KCNH7: variants seen among roughly 807,000 people sequenced by gnomAD.
KCNH7 encodes voltage-gated inwardly rectifying potassium channel KCNH7.
In KCNH7, 49 loss-of-function variants were observed where a neutral mutation model predicts 120.8. That is an observed-to-expected ratio of 0.41 (90% CI 0.32 to 0.51). KCNH7 has a LOEUF of 0.51. Ranked by LOEUF, KCNH7 falls within the 20% of genes least tolerant of loss-of-function variation. The pLI, the probability that KCNH7 is intolerant of heterozygous loss-of-function variation, is 0.38. For missense variants in KCNH7, 1,097 were observed against 1,446.6 expected (o/e 0.76, Z 3.92); for synonymous variants, 547 against 516.1 (o/e 1.06, Z -0.81).
At chr2:162,439,335 T>A (rs1688350007) in intron 7 of KCNH7, among the ~76,000 whole-genome samples, 1 of 152,060 alleles carries the variant, frequency 6.6e-6, no homozygotes. Flanking sequence ...GATGGCAAAA[T>A]GTGGTTATTG....
At chr2:162,806,731 A>G (rs969426566) in intron 2 of KCNH7, among the ~76,000 whole-genome samples, 3 of 152,212 alleles carry the variant, frequency 2.0e-5, no homozygotes, top group African/African-American at 7.2e-5. Flanking sequence ...CACCACTAGC[A>G]ATACTGGAAA....
At chr2:162,789,343 G>A (rs1683836076) in intron 2 of KCNH7, among the ~76,000 whole-genome samples, 2 of 151,884 alleles carry the variant, frequency 1.3e-5, no homozygotes, top group African/African-American at 2.4e-5. Context: ...ATCTATTGAA[G>A]CATCTAAGTA....
At position 162,678,352 on chromosome 2, in the gene KCNH7, C is replaced by T. The variant is rs114170150; in HGVS notation, c.308-141272G>A. ...TGACTTGAGTTTGAAGCATTGATAACATTGCTAAGGAATGATGATATCCCT... is the reference window on the plus strand; with the variant it reads ...TGACTTGAGTTTGAAGCATTGATAATATTGCTAAGGAATGATGATATCCCT... On this transcript the variant is annotated intron_variant, in intron 2 of 15. Transcript: ENST00000332142. Among the ~76,000 whole-genome samples the T allele has an allele frequency of 5.4e-3, 823 of 151,514 alleles. 7 individuals are homozygous for T. Among genetic ancestry groups the T allele is most frequent in the African/African-American group, 0.019 (770 of 41,452 alleles).
Position 162,518,881 on chromosome 2 carries a change from T to C in KCNH7, c.464-723A>G, listed in dbSNP as rs1691418397. On this transcript the variant is annotated intron_variant, in intron 3 of 15. Coordinates refer to ENST00000332142, the MANE Select transcript of KCNH7 (RefSeq NM_033272.4). ...GTTATGTATATCTCAGAGTGGCTGA[T>C]GCACAGAAGGACAAGTAAATACAAA... is the stretch of plus-strand genomic sequence containing the variant. 5.3e-5 allele frequency among the ~76,000 whole-genome samples: 8 copies of C among 150,730 alleles called. No individual in the cohort carries two copies. The South Asian group carries it at 1.7e-3, about 31-fold the overall frequency.
chr2:162,656,345 A>G (rs1684760588), intron 2 of KCNH7, among the ~76,000 whole-genome samples: 2 of 152,200 alleles, frequency 1.3e-5, no homozygotes. Context: ...AGTGGTATGT[A>G]TATATACACA....
chr2:162,421,695 C>T (rs775068304), intron 9 of KCNH7, among the ~76,000 whole-genome samples: 2 of 152,164 alleles, frequency 1.3e-5, no homozygotes, highest in African/African-American at 2.4e-5. Context: ...TTCATAAGTA[C>T]ATTGTAAATA....
chr2:162,603,884 A>G lies in KCNH7; in HGVS notation c.308-66804T>C, dbSNP rs539722989. Among the ~76,000 whole-genome samples, 12 of 152,294 alleles carry G rather than the reference A, an allele frequency of 7.9e-5. No homozygotes were observed. In the East Asian group the frequency reaches 2.3e-3, roughly 29 times the overall value. Reference sequence around the variant, plus strand: ...TATTACATTTAAAAACATATAAAATATTTGCAGTATTGTTTTCATTTGTTA... The same window carrying G: ...TATTACATTTAAAAACATATAAAATGTTTGCAGTATTGTTTTCATTTGTTA... On this transcript the variant is annotated intron_variant, in intron 2 of 15. Coordinates refer to ENST00000332142, the MANE Select transcript of KCNH7 (RefSeq NM_033272.4).
chr2:162,749,567 A>G (rs10175211), intron 2 of KCNH7, among the ~76,000 whole-genome samples: 43,839 of 152,030 alleles, frequency 0.29, 10,741 homozygotes, highest in African/African-American at 0.66. Context: ...TCAGGAATGT[A>G]GCAATGACAA....
chr2:162,532,809 G>T (rs1344725112), intron 3 of KCNH7, among the ~76,000 whole-genome samples: 1 of 151,856 alleles, frequency 6.6e-6, no homozygotes, highest in Non-Finnish European at 1.5e-5. Context: ...CCAACAAAAT[G>T]GGAGGGAGAG....
chr2:162,697,572 G>A (rs1305688634), intron 2 of KCNH7, among the ~76,000 whole-genome samples: 2 of 152,008 alleles, frequency 1.3e-5, no homozygotes, highest in South Asian at 2.1e-4. Context: ...GAAAGAGAAG[G>A]GAAGGAAGGG....
intron 2 of KCNH7, among the ~76,000 whole-genome samples, chr2:162,691,795 G>A (rs946025393): frequency 6.6e-6 from 1 of 152,098 alleles, no homozygotes; most frequent in Admixed American, 6.6e-5. Context: ...GGCAGATTAT[G>A]TCACATTTTA....
intron 2 of KCNH7, among the ~76,000 whole-genome samples, chr2:162,642,703 A>ATC (rs1431298411): frequency 6.6e-6 from 1 of 152,206 alleles, no homozygotes; most frequent in East Asian, 1.9e-4. Context: ...ACCTGTACAT[A>ATC]TCTGTTGGAA....
chr2:162,702,891 A>C (rs1290429160), intron 2 of KCNH7, among the ~76,000 whole-genome samples: 1 of 151,998 alleles, frequency 6.6e-6, no homozygotes, highest in African/African-American at 2.4e-5. Flanking sequence ...CTTTCTTCCT[A>C]ATTAGGCTGA....
chr2:162,719,461 A>C (rs1687248500), intron 2 of KCNH7, among the ~76,000 whole-genome samples: 1 of 152,036 alleles, frequency 6.6e-6, no homozygotes, highest in Non-Finnish European at 1.5e-5. Context: ...GGTAACTATG[A>C]GAGGATTTGT....
chr2:162,405,441 AAGAG>A (rs901089897), intron 9 of KCNH7, among the ~76,000 whole-genome samples: 21 of 152,010 alleles, frequency 1.4e-4, no homozygotes, highest in Non-Finnish European at 2.1e-4. Flanking sequence ...ACACAAAACA[AAGAG>A]AGAGCAAAAA....
In KCNH7 at chr2:162,828,134, A is replaced by T. The variant is rs562292329; in HGVS notation, c.307+8403T>A. ...AGAAATTTTAATGGATTTAGCTAAG[A>T]GGTAAACAGAAACTTCATTAAAAAA... On this transcript the variant is annotated intron_variant, in intron 2 of 15. Transcript: ENST00000332142. Among the ~76,000 whole-genome samples the T allele has an allele frequency of 2.0e-5, 3 of 152,308 alleles. No individual in the cohort carries two copies. The East Asian group carries it at 5.8e-4, about 29-fold the overall frequency.
chr2:162,546,592 G>A (rs749965749), intron 2 of KCNH7, among the ~76,000 whole-genome samples: 2 of 152,170 alleles, frequency 1.3e-5, no homozygotes, highest in Non-Finnish European at 2.9e-5. Context: ...ATTTCTAACT[G>A]AGGCTGTGAA....
chr2:162,571,309 A>C (rs1460189624), intron 2 of KCNH7, among the ~76,000 whole-genome samples: 1 of 152,148 alleles, frequency 6.6e-6, no homozygotes, highest in African/African-American at 2.4e-5. Context: ...CTTCAAAGAG[A>C]ATTAAATACC....
chr2:162,819,194 T>A (rs377508572), intron 2 of KCNH7, among the ~76,000 whole-genome samples: 1 of 152,236 alleles, frequency 6.6e-6, no homozygotes, highest in South Asian at 2.1e-4. Flanking sequence ...TTGGAAAAAT[T>A]TATAGAGTCT....
Sources: allele counts gnomAD v4.1 joint callset (sites outside exome capture counted in the v4.1 genomes callset), GRCh38; gene constraint gnomAD v4.1.1; transcripts MANE v1.5; gene names NCBI Gene and HGNC (gene_info 2026-07-23, HGNC 2026-07-21).